REV3L: variants seen among roughly 807,000 people sequenced by gnomAD.
REV3L encodes the protein DNA polymerase zeta catalytic subunit.
A neutral mutation model predicts 299.4 loss-of-function variants in REV3L; 69 were observed. That is an observed-to-expected ratio of 0.23 (90% CI 0.19 to 0.28). The LOEUF is 0.28. Among genes scored for constraint, REV3L ranks in the 10% least tolerant of loss-of-function variants. REV3L has a pLI of 1.00. For missense variants in REV3L, 3,128 were observed against 3,693.8 expected (o/e 0.85, Z 3.97); for synonymous variants, 1,238 against 1,271.4 (o/e 0.97, Z 0.56).
chr6:111,316,967 CT>C (rs1189062526), intron 26 of REV3L, among the ~76,000 whole-genome samples: 1 of 152,088 alleles, frequency 6.6e-6, no homozygotes, highest in African/African-American at 2.4e-5. Context: ...CATTGGGCAT[CT>C]TTTTTTCTAT....
intron 1 of REV3L, among the ~76,000 whole-genome samples, chr6:111,443,667 A>T (rs1040605672): frequency 2.2e-4 from 34 of 152,302 alleles, no homozygotes; most frequent in African/African-American, 8.2e-4. Context: ...AGGTCTCAAT[A>T]CTCTGAATAG....
rs1786745690 is a variant in REV3L, at chr6:111,430,308, G to A, written c.140-13836C>T. On this transcript the variant is annotated intron_variant, in intron 1 of 31. Coordinates refer to ENST00000368802, the MANE Select transcript of REV3L (RefSeq NM_001372078.1). The stretch of plus-strand genomic sequence containing the variant: ...CCAAGTGCTTTCTTTCATTTCCTGT[G>A]ACTGATTTTACTGCTCCTGGCTACT... 1.4e-5 allele frequency: 15 copies of A among 1,098,484 alleles called. No individual in the cohort carries two copies. In the Admixed American group the frequency reaches 2.4e-4, roughly 17 times the overall value. The allele number at this position is 1,098,484 out of a possible 1,614,324, so 68.0% of individuals were successfully genotyped here.
chr6:111,445,310 T>C (rs538070475), intron 1 of REV3L, among the ~76,000 whole-genome samples: 2 of 152,264 alleles, frequency 1.3e-5, no homozygotes, highest in South Asian at 4.1e-4. Context: ...GGGTAAATCA[T>C]GTCCCAAGCC....
chr6:111,479,150 G>A (rs1793305751), intron 1 of REV3L, among the ~76,000 whole-genome samples: 1 of 152,218 alleles, frequency 6.6e-6, no homozygotes, highest in Non-Finnish European at 1.5e-5. Context: ...TTCATTTGTA[G>A]TGAATCCTCT....
intron 4 of REV3L, among the ~76,000 whole-genome samples, chr6:111,403,033 G>A (rs1439043940): frequency 1.3e-5 from 2 of 152,130 alleles, no homozygotes; most frequent in African/African-American, 4.8e-5. Flanking sequence ...AAAATGTAGT[G>A]TATTCACATA....
At chr6:111,428,282 A>G (rs1427246668) in intron 1 of REV3L, among the ~76,000 whole-genome samples, 1 of 152,194 alleles carries the variant, frequency 6.6e-6, no homozygotes, top group Non-Finnish European at 1.5e-5. Flanking sequence ...AATACCAGGT[A>G]TAAGGAAATT....
chr6:111,446,024 C>G (rs1334251358), intron 1 of REV3L, among the ~76,000 whole-genome samples: 1 of 152,136 alleles, frequency 6.6e-6, no homozygotes, highest in African/African-American at 2.4e-5. Context: ...TCCCTTTACA[C>G]AACACAAAAA....
At chr6:111,397,888 C>T (rs1487769917) in intron 4 of REV3L, among the ~76,000 whole-genome samples, 2 of 151,994 alleles carry the variant, frequency 1.3e-5, no homozygotes, top group Non-Finnish European at 2.9e-5. Context: ...CCTCCTGCCT[C>T]AGCTTCTCAA....
chr6:111,440,013 A>T (rs940243948), intron 1 of REV3L, among the ~76,000 whole-genome samples: 1 of 152,056 alleles, frequency 6.6e-6, no homozygotes, highest in Non-Finnish European at 1.5e-5. Flanking sequence ...ATGCTTCCAC[A>T]ACCCATAGGA....
In REV3L at chr6:111,482,881, GA is replaced by G; in HGVS notation, c.7del (p.Ser3GlnfsTer2). On this transcript the variant is annotated frameshift_variant, in exon 1 of 32. Coordinates refer to ENST00000368802, the MANE Select transcript of REV3L (RefSeq NM_001372078.1). LOFTEE classifies it high-confidence loss of function. ...GTAGTCTGCAGTCACTATCCTTACT[GA>G]AAACATGTTCGCCGCCGCCGCCACT... is the stretch of plus-strand genomic sequence containing the variant. Reference protein sequence around the residue: MFSVRIVTADYYM... With the variant: MFXVRIVTADYYM... The G allele has an allele frequency of 6.6e-7, 1 of 1,516,190 alleles. No individual in the cohort carries two copies. The highest frequency in any genetic ancestry group is 8.8e-7 in the Non-Finnish European group (1 of 1,141,668). The allele number at this position is 1,516,190 out of a possible 1,614,324, so 93.9% of individuals were successfully genotyped here.
chr6:111,301,820 T>TA (rs200670870), intron 31 of REV3L, among the ~76,000 whole-genome samples: 1,596 of 151,570 alleles, frequency 0.011, 32 homozygotes, highest in African/African-American at 0.036. Context: ...CATATATAGT[T>TA]AAAAAAAAGG....
intron 1 of REV3L, among the ~76,000 whole-genome samples, chr6:111,443,373 C>G (rs2128309930): frequency 6.6e-6 from 1 of 152,140 alleles, no homozygotes; most frequent in South Asian, 2.1e-4. Context: ...GTCTCAAACT[C>G]CTGACATTGT....
At position 111,417,735 on chromosome 6, in the gene REV3L, T is replaced by C. The variant is rs117364985; in HGVS notation, c.140-1263A>G. ...ACATTAGCTTCTCTTATTTTTAAGGTACACTTACGACAGAAAAATAAATCT... is the reference window on the plus strand; with the variant it reads ...ACATTAGCTTCTCTTATTTTTAAGGCACACTTACGACAGAAAAATAAATCT... On this transcript the variant is annotated intron_variant, in intron 1 of 31. Transcript: ENST00000368802. Among the ~76,000 whole-genome samples, 111 of 152,340 alleles carry C rather than the reference T, an allele frequency of 7.3e-4. 2 individuals are homozygous for C. The East Asian group carries it at 0.019, about 27-fold the overall frequency.
At chr6:111,422,649 C>CATACATATATATATATACAT (rs1785632740) in intron 1 of REV3L, among the ~76,000 whole-genome samples, 1 of 22,502 alleles carries the variant, frequency 4.4e-5, no homozygotes, top group Non-Finnish European at 1.1e-4. Context: ...TATATATATA[C>CATACATATATATATATACAT]ATATATATAT....
At chr6:111,452,563 T>C (rs566601915) in intron 1 of REV3L, among the ~76,000 whole-genome samples, 1 of 152,306 alleles carries the variant, frequency 6.6e-6, no homozygotes, top group East Asian at 1.9e-4. Flanking sequence ...TGGTTCCATT[T>C]ATAAGAAAGT....
chr6:111,425,196 T>C (rs973730279), intron 1 of REV3L, among the ~76,000 whole-genome samples: 1 of 152,120 alleles, frequency 6.6e-6, no homozygotes, highest in Non-Finnish European at 1.5e-5. Flanking sequence ...CGGTGGCTCA[T>C]GCCTGTAATC....
rs759159199 is a variant in REV3L at position 111,380,140 on chromosome 6, C to T, written c.1296G>A (p.Arg432=). Residue 432 remains arginine (R), a synonymous_variant, in exon 11 of 32, where the codon AGG becomes AGA. Coordinates refer to ENST00000368802, the MANE Select transcript of REV3L (RefSeq NM_001372078.1). The stretch of plus-strand genomic sequence containing the variant: ...CAAAGGAGCGACATGGTGATGGCAT[C>T]CTATTTCTTTCCCCCCGATATCCAT... ...ESDGYRGERN[R]MPSPCRSFGN... 2.5e-5 allele frequency: 40 copies of T among 1,613,940 alleles called. No individual in the cohort carries two copies. In the South Asian group the frequency reaches 4.1e-4, roughly 16 times the overall value.
At chr6:111,430,408 A>G in intron 1 of REV3L, 1 of 1,422,756 alleles carries the variant, frequency 7.0e-7, no homozygotes, top group Non-Finnish European at 9.9e-7. Flanking sequence ...TCCATAGAAA[A>G]ACTAAAGGAT....
chr6:111,306,386 G>GC, intron 31 of REV3L, among the ~76,000 whole-genome samples: 1 of 152,120 alleles, frequency 6.6e-6, no homozygotes, highest in Non-Finnish European at 1.5e-5. Context: ...ACAGAGAAGA[G>GC]CAAGAAATCG....
Sources: allele counts gnomAD v4.1 joint callset (sites outside exome capture counted in the v4.1 genomes callset), GRCh38; gene constraint gnomAD v4.1.1; transcripts MANE v1.5; gene names NCBI Gene and HGNC (gene_info 2026-07-23, HGNC 2026-07-21).